AFTPH: variants seen among roughly 807,000 people sequenced by gnomAD.
AFTPH encodes the protein aftiphilin protein.
AFTPH carries 7 observed loss-of-function variants against 72.5 expected under a neutral mutation model. The observed-to-expected ratio is 0.10, with a 90% CI of 0.05 to 0.18. The LOEUF (loss-of-function observed/expected upper bound fraction) is 0.18, where lower values mean the gene tolerates loss of function less well. Among genes scored for constraint, AFTPH ranks in the 10% least tolerant of loss-of-function variants. The probability of loss-of-function intolerance (pLI) is 1.00; values close to 1 mark genes in which losing one functional copy is unlikely to be tolerated. For missense variants in AFTPH, 979 were observed against 1,060.5 expected (o/e 0.92, Z 1.07); for synonymous variants, 337 against 370.1 (o/e 0.91, Z 1.03).
intron 7 of AFTPH, among the ~76,000 whole-genome samples, chr2:64,582,444 A>T (rs2104207125): frequency 1.3e-5 from 2 of 152,290 alleles, no homozygotes; most frequent in African/African-American, 4.8e-5. Flanking sequence ...GATTCCTCAA[A>T]TCCAAGCCCC....
chr2:64,554,504 T>G (rs1671242204), intron 2 of AFTPH, among the ~76,000 whole-genome samples: 1 of 152,240 alleles, frequency 6.6e-6, no homozygotes, highest in South Asian at 2.1e-4. Flanking sequence ...AAAACCATTT[T>G]CAACTGGAAA....
intron 2 of AFTPH, among the ~76,000 whole-genome samples, chr2:64,560,689 A>C (rs1671671264): frequency 1.3e-5 from 2 of 152,318 alleles, no homozygotes; most frequent in Non-Finnish European, 2.9e-5. Flanking sequence ...CCTGGCCAAC[A>C]TGGTGAAACC....
chr2:64,577,340 T>C (rs1366041869), intron 6 of AFTPH, among the ~76,000 whole-genome samples: 5 of 152,206 alleles, frequency 3.3e-5, no homozygotes, highest in Non-Finnish European at 7.3e-5. Context: ...CGGTATCCTG[T>C]TTTTCACCTT....
chr2:64,570,453 C>T (rs1354771525), intron 5 of AFTPH, among the ~76,000 whole-genome samples: 2 of 152,168 alleles, frequency 1.3e-5, no homozygotes, highest in Non-Finnish European at 2.9e-5. Context: ...CAAACTTTCT[C>T]CATGAATAAG....
chr2:64,576,588 AGG>A (rs1672816627), intron 6 of AFTPH, among the ~76,000 whole-genome samples: 1 of 152,168 alleles, frequency 6.6e-6, no homozygotes. Flanking sequence ...CCTCTTAGTA[AGG>A]TCAATACTTT....
At chr2:64,571,181 T>C (rs1180568929) in intron 5 of AFTPH, among the ~76,000 whole-genome samples, 1 of 152,118 alleles carries the variant, frequency 6.6e-6, no homozygotes, top group Non-Finnish European at 1.5e-5. Context: ...GAAGTGATCA[T>C]TTAAGCCACT....
rs555405005 is a variant in AFTPH, at chr2:64,585,371, T to C, written c.2456-51T>C. 75 of 1,606,550 alleles carry C rather than the reference T, an allele frequency of 4.7e-5. 2 individuals carry two copies. In the South Asian group the frequency reaches 8.0e-4, roughly 17 times the overall value. On this transcript the variant is annotated intron_variant, in intron 7 of 8. Coordinates refer to ENST00000238856, the Ensembl canonical transcript of AFTPH. ...TTTTGCATCTTGGATTGTGGCTAAC[T>C]GGGTAACCCATTGCAGCCTGCCATC... is the stretch of plus-strand genomic sequence containing the variant.
At chr2:64,538,713 A>C (rs1194937266) in intron 1 of AFTPH, among the ~76,000 whole-genome samples, 1 of 152,180 alleles carries the variant, frequency 6.6e-6, no homozygotes, top group African/African-American at 2.4e-5. Context: ...CAAAGACTTA[A>C]TTTGTGAGGT....
chr2:64,560,719 A>G (rs1395355710), intron 2 of AFTPH, among the ~76,000 whole-genome samples: 2 of 152,140 alleles, frequency 1.3e-5, no homozygotes, highest in Non-Finnish European at 2.9e-5. Flanking sequence ...CTAAAACTAC[A>G]AAAGTTAGCT....
chr2:64,541,932 T>C (rs1345750877), intron 1 of AFTPH, among the ~76,000 whole-genome samples: 1 of 152,238 alleles, frequency 6.6e-6, no homozygotes, highest in Non-Finnish European at 1.5e-5. Context: ...GTCATTAGCA[T>C]ATTTCAGATA....
At chr2:64,591,324 G>C (rs987256941) in intron 8 of AFTPH, among the ~76,000 whole-genome samples, 3 of 152,224 alleles carry the variant, frequency 2.0e-5, no homozygotes, top group Non-Finnish European at 4.4e-5. Flanking sequence ...TAGTGCTGCT[G>C]CTTTTGGACC....
chr2:64,547,446 T>G (rs1010905470), intron 1 of AFTPH, among the ~76,000 whole-genome samples: 3 of 152,210 alleles, frequency 2.0e-5, no homozygotes, highest in African/African-American at 7.2e-5. Context: ...ATTTCAGTGT[T>G]CCCATTACTG....
At chr2:64,581,242 C>T (rs374978517) in intron 7 of AFTPH, 3 of 1,601,108 alleles carry the variant, frequency 1.9e-6, no homozygotes, top group Non-Finnish European at 2.6e-6. Flanking sequence ...CCGTGGATGA[C>T]AGTAGCTCTA....
At chr2:64,584,880 G>A (rs562131434) in intron 7 of AFTPH, among the ~76,000 whole-genome samples, 17 of 152,260 alleles carry the variant, frequency 1.1e-4, no homozygotes, top group East Asian at 5.8e-4. Flanking sequence ...ACAGGCGTGA[G>A]CCACCGCGCC....
chr2:64,583,925 A>G (rs1391239645), intron 7 of AFTPH, among the ~76,000 whole-genome samples: 2 of 152,040 alleles, frequency 1.3e-5, no homozygotes, highest in Non-Finnish European at 2.9e-5. Flanking sequence ...TCAGTTTCTG[A>G]TTTTTTAATT....
At chr2:64,560,140 T>C (rs1671630366) in intron 2 of AFTPH, among the ~76,000 whole-genome samples, 1 of 152,192 alleles carries the variant, frequency 6.6e-6, no homozygotes, top group Non-Finnish European at 1.5e-5. Context: ...AACCTGTTTG[T>C]GACTAAAACG....
chr2:64,562,214 A>G (rs1415352211), intron 2 of AFTPH, among the ~76,000 whole-genome samples: 2 of 152,068 alleles, frequency 1.3e-5, no homozygotes, highest in Admixed American at 6.6e-5. Flanking sequence ...TGGCTATTTT[A>G]TGTCTTGTAA....
chr2:64,585,634 A>G (rs768791607), intron 8 of AFTPH, 89 bp downstream of exon 9: 60 of 1,395,524 alleles, frequency 4.3e-5, no homozygotes, highest in African/African-American at 8.8e-5. Context: ...CAGCATTTCA[A>G]TATATTATAT....
chr2:64,573,765 C>T (rs1218943318), intron 6 of AFTPH, among the ~76,000 whole-genome samples: 1 of 152,116 alleles, frequency 6.6e-6, no homozygotes, highest in African/African-American at 2.4e-5. Context: ...TCAAGCGATT[C>T]TCCTGCCTCA....
Sources: allele counts gnomAD v4.1 joint callset (sites outside exome capture counted in the v4.1 genomes callset), GRCh38; gene constraint gnomAD v4.1.1; transcripts MANE v1.5; gene names NCBI Gene and HGNC (gene_info 2026-07-23, HGNC 2026-07-21).